Variants in SCML4 observed in about 807,000 individuals in gnomAD.
The protein encoded by SCML4 is sex comb on midleg-like protein 4.
In SCML4, 34 loss-of-function variants were observed where a neutral mutation model predicts 41.1. The ratio of observed to expected loss-of-function variants is 0.83; its 90% CI spans 0.63 to 1.10. The LOEUF is 1.10. Among genes scored for constraint, SCML4 ranks in the 50% least tolerant of loss-of-function variants. The pLI is 0.00. For missense variants in SCML4, 522 were observed against 534.1 expected (o/e 0.98, Z 0.22); for synonymous variants, 214 against 220.9 (o/e 0.97, Z 0.28).
chr6:107,825,733 G>T (rs1475413765), upstream of SCML4, among the ~76,000 whole-genome samples: 3 of 151,348 alleles, frequency 2.0e-5, no homozygotes, highest in Admixed American at 2.0e-4. Flanking sequence ...GAGGTCAGGA[G>T]ATCGAGACCA....
chr6:107,755,224 G>A (rs546302351), intron 2 of SCML4, among the ~76,000 whole-genome samples: 1 of 152,262 alleles, frequency 6.6e-6, no homozygotes, highest in South Asian at 2.1e-4. Flanking sequence ...ACAGGGATTA[G>A]ATTAAATTGC....
intron 2 of SCML4, among the ~76,000 whole-genome samples, chr6:107,770,319 G>A (rs905985654): frequency 6.6e-6 from 1 of 151,880 alleles, no homozygotes; most frequent in Non-Finnish European, 1.5e-5. Context: ...CATCCTTTAA[G>A]GGGAATCATT....
chr6:107,760,150 T>G (rs966296677), intron 2 of SCML4, among the ~76,000 whole-genome samples: 17 of 152,222 alleles, frequency 1.1e-4, no homozygotes, highest in African/African-American at 4.1e-4. Context: ...GGAATGTTAA[T>G]TAGAAGAAAT....
rs117291363 is a variant in SCML4 at position 107,744,652 on chromosome 6, C to T, written c.682+297G>A. On this transcript the variant is annotated intron_variant, in intron 5 of 7. Coordinates refer to ENST00000369020, the MANE Select transcript of SCML4 (RefSeq NM_198081.5). The stretch of plus-strand genomic sequence containing the variant: ...GGAGAGTGCAGAAACTTACTTGTTA[C>T]ATATGATGTGATGTGGTCTCATTGT... Among the ~76,000 whole-genome samples, 653 of 152,312 alleles carry T rather than the reference C, an allele frequency of 4.3e-3. 10 individuals carry two copies. The East Asian group carries it at 0.063, about 15-fold the overall frequency.
the SCML4 span, among the ~76,000 whole-genome samples, chr6:107,830,084 A>G: frequency 6.6e-6 from 1 of 152,166 alleles, no homozygotes; most frequent in East Asian, 1.9e-4. Context: ...AATTAGGGAC[A>G]TATTCCCTAT....
Position 107,785,894 on chromosome 6 carries a change from G to A in SCML4, c.-59-13508C>T, listed in dbSNP as rs190185825. ...AGCCAAGGGAGGGGCAGAGCCTGGC[G>A]CATACCCTGCCTGACAGCTCCTCCG... On this transcript the variant is annotated intron_variant, in intron 1 of 7. Coordinates refer to ENST00000369020, the MANE Select transcript of SCML4 (RefSeq NM_198081.5). Among the ~76,000 whole-genome samples, 4 of 152,114 alleles carry A rather than the reference G, an allele frequency of 2.6e-5. No individual in the cohort carries two copies. In the East Asian group the frequency reaches 7.7e-4, roughly 29 times the overall value.
At chr6:107,844,464 G>C in the SCML4 span, among the ~76,000 whole-genome samples, 1 of 152,188 alleles carries the variant, frequency 6.6e-6, no homozygotes, top group African/African-American at 2.4e-5. Context: ...CTGGAAGGCC[G>C]AGGCTGGAGG....
At position 107,767,155 on chromosome 6, in the gene SCML4, A is replaced by G. The variant is rs373389028; in HGVS notation, c.156+5017T>C. ...GTATTTTTAGTACAGACGGGGTTTCACCATGTTGTCCAGGGTGGTCTCGAT... is the reference window on the plus strand; with the variant it reads ...GTATTTTTAGTACAGACGGGGTTTCGCCATGTTGTCCAGGGTGGTCTCGAT... On this transcript the variant is annotated intron_variant, in intron 2 of 7. Coordinates refer to ENST00000369020, the MANE Select transcript of SCML4 (RefSeq NM_198081.5). Among the ~76,000 whole-genome samples the G allele has an allele frequency of 7.9e-5, 12 of 151,922 alleles. No homozygotes were observed. In the South Asian group the frequency reaches 1.5e-3, roughly 18 times the overall value.
At chr6:107,818,394 C>T (rs569026922) in intron 1 of SCML4, among the ~76,000 whole-genome samples, 1 of 152,268 alleles carries the variant, frequency 6.6e-6, no homozygotes, top group African/African-American at 2.4e-5. Flanking sequence ...AAATCTATTC[C>T]CCCAGTGGAA....
intron 6 of SCML4, among the ~76,000 whole-genome samples, chr6:107,715,598 G>A (rs912205409): frequency 3.3e-5 from 5 of 152,168 alleles, no homozygotes; most frequent in Non-Finnish European, 2.9e-5. Flanking sequence ...TCTTGGATGA[G>A]AGACAAGGAA....
intron 3 of SCML4, among the ~76,000 whole-genome samples, chr6:107,747,524 A>G (rs962224897): frequency 6.6e-6 from 1 of 151,762 alleles, no homozygotes; most frequent in African/African-American, 2.4e-5. Flanking sequence ...TTTATAGGTT[A>G]TATACATTCT....
intron 5 of SCML4, among the ~76,000 whole-genome samples, chr6:107,730,251 T>A (rs781706201): frequency 5.3e-5 from 8 of 152,228 alleles, no homozygotes; most frequent in Non-Finnish European, 1.0e-4. Context: ...AAACACCAGA[T>A]GGGGCCAGCC....
intron 1 of SCML4, among the ~76,000 whole-genome samples, chr6:107,778,225 ATATAT>A (rs1781181620): frequency 1.4e-3 from 9 of 6,338 alleles, no homozygotes; most frequent in Admixed American, 2.3e-3. Context: ...AAAAAAAAAT[ATATAT>A]ATATATATAT....
At chr6:107,740,296 A>C in intron 5 of SCML4, 2 of 394,114 alleles carry the variant, frequency 5.1e-6, no homozygotes, top group South Asian at 3.8e-5. Context: ...CCAGTTTTAC[A>C]CCAACAGATG....
chr6:107,766,728 AC>A (rs1188792425), intron 2 of SCML4, among the ~76,000 whole-genome samples: 2 of 152,084 alleles, frequency 1.3e-5, no homozygotes, highest in Non-Finnish European at 2.9e-5. Context: ...GTGCATGGGC[AC>A]TGGGGGGTAG....
chr6:107,814,983 C>G (rs1784457584), intron 1 of SCML4, among the ~76,000 whole-genome samples: 1 of 152,212 alleles, frequency 6.6e-6, no homozygotes, highest in Non-Finnish European at 1.5e-5. Flanking sequence ...AATTCACTAG[C>G]AAGCATCTTC....
At chr6:107,821,572 C>T (rs940082426) in intron 1 of SCML4, among the ~76,000 whole-genome samples, 1 of 152,190 alleles carries the variant, frequency 6.6e-6, no homozygotes, top group African/African-American at 2.4e-5. Context: ...TCTCCTTTCC[C>T]TTCTTTCCCA....
At position 107,773,417 on chromosome 6, in the gene SCML4, C is replaced by A. The variant is rs1780671520; in HGVS notation, c.-59-1031G>T. Reference sequence around the variant, plus strand: ...GACTAGCCTGGACAACATAGCGAAACCCCATCTCTACTAAGAATACAAAAA... The same window carrying A: ...GACTAGCCTGGACAACATAGCGAAAACCCATCTCTACTAAGAATACAAAAA... On this transcript the variant is annotated intron_variant, in intron 1 of 7. Coordinates refer to ENST00000369020, the MANE Select transcript of SCML4 (RefSeq NM_198081.5). Among the ~76,000 whole-genome samples, 3 of 151,922 alleles carry A rather than the reference C, an allele frequency of 2.0e-5. No homozygotes were observed. The South Asian group carries it at 6.2e-4, about 32-fold the overall frequency.
chr6:107,837,911 T>C, the SCML4 span, among the ~76,000 whole-genome samples: 2 of 149,240 alleles, frequency 1.3e-5, no homozygotes, highest in African/African-American at 2.5e-5. Flanking sequence ...TTTTCTTTTT[T>C]TTTTTTTTTT....
Sources: allele counts gnomAD v4.1 joint callset (sites outside exome capture counted in the v4.1 genomes callset), GRCh38; gene constraint gnomAD v4.1.1; transcripts MANE v1.5; gene names NCBI Gene and HGNC (gene_info 2026-07-23, HGNC 2026-07-21).